Variants in PPP4R3A observed in about 807,000 individuals in gnomAD.
PPP4R3A encodes the protein serine/threonine-protein phosphatase 4 regulatory subunit 3A.
A neutral mutation model predicts 91.7 loss-of-function variants in PPP4R3A; 15 were observed. That is an observed-to-expected ratio of 0.16 (90% CI 0.11 to 0.25). PPP4R3A has a LOEUF of 0.25. Among genes scored for constraint, PPP4R3A ranks in the 10% least tolerant of loss-of-function variants. The probability of loss-of-function intolerance (pLI) is 1.00; values close to 1 mark genes in which losing one functional copy is unlikely to be tolerated. For missense variants in PPP4R3A, 623 were observed against 998.4 expected, an observed-to-expected ratio of 0.62 and a Z score of 5.07; for synonymous variants, 377 against 348.7, an observed-to-expected ratio of 1.08 and a Z score of -0.91.
chr14:91,471,055 G>GT (rs1435018195), intron 9 of PPP4R3A, 60 bp from the exon 10 acceptor site: 5 of 1,469,738 alleles, frequency 3.4e-6, no homozygotes, highest in Non-Finnish European at 4.5e-6. Context: ...CTTCTAAAAT[G>GT]TAAGAACTCA....
At chr14:91,460,036 G>C (rs2042000316) in intron 14 of PPP4R3A, among the ~76,000 whole-genome samples, 1 of 151,854 alleles carries the variant, frequency 6.6e-6, no homozygotes, top group African/African-American at 2.4e-5. Flanking sequence ...TTTTGAGATG[G>C]AGTCTCACTC....
chr14:91,501,039 TA>T (rs1486690990), intron 1 of PPP4R3A, among the ~76,000 whole-genome samples: 2 of 151,874 alleles, frequency 1.3e-5, no homozygotes, highest in African/African-American at 4.8e-5. Context: ...CTCTAAAATT[TA>T]AAAACAAAAA....
intron 4 of PPP4R3A, among the ~76,000 whole-genome samples, chr14:91,478,924 G>C (rs925304157): frequency 6.6e-6 from 1 of 152,084 alleles, no homozygotes; most frequent in African/African-American, 2.4e-5. Context: ...ATACACCTGA[G>C]GTAAAGTCTT....
In PPP4R3A at chr14:91,465,238, T is replaced by C; in HGVS notation, c.1830+12A>G. The stretch of plus-strand genomic sequence containing the variant: ...TTAAAATGAAAATTCTAATTAAAAA[T>C]ACAGAACCTACCACTCTAATAAATT... On this transcript the variant is annotated intron_variant, in intron 11 of 14. Coordinates refer to ENST00000554943, the MANE Select transcript of PPP4R3A (RefSeq NM_001366432.2). 6.7e-7 allele frequency: 1 copy of C among 1,501,746 alleles called. No homozygotes were observed. The highest frequency in any genetic ancestry group is 1.4e-5 in the South Asian group (1 of 72,110). 93.0% of individuals were successfully genotyped at this position (1,501,746 alleles called of 1,614,324 possible). A position where few individuals can be genotyped will look rare whatever the true frequency, so the allele number is the denominator to read the frequency against.
intron 14 of PPP4R3A, among the ~76,000 whole-genome samples, 185 bp downstream of exon 14, chr14:91,461,196 A>T (rs925530637): frequency 2.0e-5 from 3 of 152,048 alleles, no homozygotes; most frequent in Non-Finnish European, 2.9e-5. Context: ...CATTGGTCAT[A>T]AAAAAAACTT....
At chr14:91,508,650 T>G (rs1891562203) in intron 1 of PPP4R3A, among the ~76,000 whole-genome samples, 1 of 152,074 alleles carries the variant, frequency 6.6e-6, no homozygotes, top group African/African-American at 2.4e-5. Context: ...AAACAGCACA[T>G]GTGGAAAAAA....
chr14:91,509,427 G>C, intron 1 of PPP4R3A, 79 bp downstream of exon 1: 1 of 1,522,596 alleles, frequency 6.6e-7, no homozygotes, highest in Non-Finnish European at 8.8e-7. Context: ...TGGAGCGAGC[G>C]CCATGCCCCG....
At chr14:91,488,946 C>T (rs1385784094) in intron 2 of PPP4R3A, among the ~76,000 whole-genome samples, 1 of 133,120 alleles carries the variant, frequency 7.5e-6, no homozygotes, top group Non-Finnish European at 1.5e-5. Flanking sequence ...CTCGCTCTGT[C>T]GCCCAGGCTG....
intron 1 of PPP4R3A, among the ~76,000 whole-genome samples, chr14:91,505,628 T>C (rs1891248430): frequency 6.6e-6 from 1 of 152,206 alleles, no homozygotes; most frequent in Admixed American, 6.5e-5. Flanking sequence ...CAAATATTTA[T>C]TTTGTTCTAA....
Position 91,465,513 on chromosome 14 carries a change from GTT to G in PPP4R3A, c.1661-96_1661-95del, listed in dbSNP as rs1395592295. On this transcript the variant is annotated intron_variant, in intron 10 of 14. Coordinates refer to ENST00000554943, the MANE Select transcript of PPP4R3A (RefSeq NM_001366432.2). ...AATAACCATCAAACCAAAAAAAACT[GTT>G]TAACACATATCAATAATTATTTATG... 10 of 1,073,298 alleles carry G rather than the reference GTT, an allele frequency of 9.3e-6. No individual in the cohort carries two copies. The African/African-American group carries it at 1.5e-4, about 16-fold the overall frequency. 66.5% of individuals were successfully genotyped at this position (1,073,298 alleles called of 1,614,324 possible). A position where few individuals can be genotyped will look rare whatever the true frequency, so the allele number is the denominator to read the frequency against.
intron 1 of PPP4R3A, among the ~76,000 whole-genome samples, chr14:91,502,380 C>G (rs917184611): frequency 2.0e-5 from 3 of 152,126 alleles, no homozygotes; most frequent in Non-Finnish European, 4.4e-5. Context: ...GAGCTATGAT[C>G]GTGGCACTGC....
At chr14:91,482,472 T>TA (rs933201007) in intron 3 of PPP4R3A, among the ~76,000 whole-genome samples, 1 of 152,070 alleles carries the variant, frequency 6.6e-6, no homozygotes, top group African/African-American at 2.4e-5. Context: ...GTGAGACTGT[T>TA]ACGAAACAGC....
At chr14:91,507,942 C>CA (rs1566661427) in intron 1 of PPP4R3A, among the ~76,000 whole-genome samples, 2 of 151,958 alleles carry the variant, frequency 1.3e-5, no homozygotes, top group East Asian at 3.8e-4. Flanking sequence ...GGCAACAGGG[C>CA]AAAATCCTGT....
intron 3 of PPP4R3A, 66 bp downstream of exon 3, chr14:91,485,566 T>C: frequency 8.9e-7 from 1 of 1,121,602 alleles, no homozygotes; most frequent in South Asian, 1.4e-5. Context: ...TGGGCATTAG[T>C]TGAAAGCATG....
intron 1 of PPP4R3A, among the ~76,000 whole-genome samples, chr14:91,498,279 A>C (rs776851529): frequency 3.6e-4 from 55 of 151,922 alleles, no homozygotes; most frequent in Non-Finnish European, 1.9e-4. Context: ...AGGTTGCAGT[A>C]AGCCAAGATT....
intron 1 of PPP4R3A, among the ~76,000 whole-genome samples, chr14:91,496,534 AG>A (rs1314886955): frequency 4.6e-5 from 7 of 152,220 alleles, no homozygotes; most frequent in African/African-American, 1.4e-4. Flanking sequence ...TAGTGTTTAC[AG>A]GATCAGGATA....
At chr14:91,478,011 G>A (rs1889315598) in intron 4 of PPP4R3A, among the ~76,000 whole-genome samples, 1 of 152,172 alleles carries the variant, frequency 6.6e-6, no homozygotes, top group Admixed American at 6.5e-5. Flanking sequence ...CCCTAGACAT[G>A]CCTCACTCTA....
intron 2 of PPP4R3A, among the ~76,000 whole-genome samples, chr14:91,488,704 TGTTA>T (rs1304289367): frequency 6.6e-6 from 1 of 152,122 alleles, no homozygotes; most frequent in African/African-American, 2.4e-5. Flanking sequence ...ATTAAAGTTA[TGTTA>T]TTTTCCCTCA....
intron 9 of PPP4R3A, 84 bp downstream of exon 9, chr14:91,472,949 C>A: frequency 8.2e-7 from 1 of 1,226,146 alleles, no homozygotes. Context: ...CCACTAACTG[C>A]CTCCTAAAAA....
Sources: allele counts gnomAD v4.1 joint callset (sites outside exome capture counted in the v4.1 genomes callset), GRCh38; gene constraint gnomAD v4.1.1; transcripts MANE v1.5; gene names NCBI Gene and HGNC (gene_info 2026-07-23, HGNC 2026-07-21).